Variants in ZPBP observed in about 807,000 individuals in gnomAD.
ZPBP encodes zona pellucida binding protein.
Under a neutral mutation model 44.8 loss-of-function variants are expected in ZPBP, and 26 were observed. The ratio of observed to expected loss-of-function variants is 0.58; its 90% CI spans 0.43 to 0.81. The LOEUF (loss-of-function observed/expected upper bound fraction) is 0.81, where lower values mean the gene tolerates loss of function less well. ZPBP is among the 30% of genes least tolerant of loss of function. The pLI is 0.00. For missense variants in ZPBP, 409 were observed against 434.0 expected (o/e 0.94, Z 0.51); for synonymous variants, 174 against 153.2 (o/e 1.14, Z -1.00).
chr7:49,885,149 T>C (rs143231100), intron 2 of ZPBP, among the ~76,000 whole-genome samples: 6 of 152,148 alleles, frequency 3.9e-5, no homozygotes, highest in African/African-American at 1.2e-4. Flanking sequence ...AACAGAAAAA[T>C]AGAATCCTTC....
chr7:49,952,906 A>G (rs1363993674), intron 7 of ZPBP, among the ~76,000 whole-genome samples: 2 of 152,082 alleles, frequency 1.3e-5, no homozygotes. Context: ...ACCAGATGGA[A>G]TAATAGGAAA....
At chr7:49,946,298 A>G (rs1240918704) in intron 7 of ZPBP, among the ~76,000 whole-genome samples, 1 of 152,020 alleles carries the variant, frequency 6.6e-6, no homozygotes, top group Non-Finnish European at 1.5e-5. Context: ...TATTTACTTC[A>G]GATGATTTCT....
chr7:49,899,232 A>G (rs1792573842), intron 2 of ZPBP, among the ~76,000 whole-genome samples: 1 of 152,082 alleles, frequency 6.6e-6, no homozygotes, highest in South Asian at 2.1e-4. Flanking sequence ...GGTGAGTAGC[A>G]TACACACCAA....
intron 1 of ZPBP, chr7:49,916,202 G>T (rs771299792): frequency 6.6e-6 from 1 of 151,778 alleles, no homozygotes; most frequent in Non-Finnish European, 1.5e-5. Context: ...ATTCTTTGAG[G>T]ATCGCAATCA....
intron 2 of ZPBP, among the ~76,000 whole-genome samples, chr7:50,082,143 T>C (rs1284089781): frequency 6.6e-6 from 1 of 151,898 alleles, no homozygotes; most frequent in Non-Finnish European, 1.5e-5. Context: ...AACCTTAGCA[T>C]AATGTGTTAG....
At chr7:49,992,229 A>G (rs1465242560) in intron 6 of ZPBP, among the ~76,000 whole-genome samples, 1 of 152,142 alleles carries the variant, frequency 6.6e-6, no homozygotes, top group Non-Finnish European at 1.5e-5. Flanking sequence ...TTATGAAGTA[A>G]ATGATGAAAT....
rs190619788 is a variant in ZPBP, at chr7:49,960,003, A to T, written c.962-22381T>A. Among the ~76,000 whole-genome samples, 45 of 152,338 alleles carry T rather than the reference A, an allele frequency of 3.0e-4. 1 individual carries two copies. Among genetic ancestry groups the T allele is most frequent in the Middle Eastern group, 6.8e-3 (2 of 294 alleles). On this transcript the variant is annotated intron_variant, in intron 7 of 7. Coordinates refer to ENST00000046087, the MANE Select transcript of ZPBP (RefSeq NM_007009.3). ...AAGAAAAGTATCTTCAATAAATGGT[A>T]CTGGATCATTAAGATATGATATCTT...
At chr7:49,862,032 G>C (rs1267597852) in intron 2 of ZPBP, among the ~76,000 whole-genome samples, 1 of 152,130 alleles carries the variant, frequency 6.6e-6, no homozygotes, top group South Asian at 2.1e-4. Flanking sequence ...TTGGAATTTT[G>C]AAAGGGATTG....
chr7:49,870,804 T>A (rs1472656471), intron 2 of ZPBP, among the ~76,000 whole-genome samples: 1 of 152,190 alleles, frequency 6.6e-6, no homozygotes, highest in Non-Finnish European at 1.5e-5. Flanking sequence ...AAAAAAGGAA[T>A]ATAGACTGTG....
intron 6 of ZPBP, among the ~76,000 whole-genome samples, chr7:50,007,831 A>G (rs1330006108): frequency 6.6e-6 from 1 of 152,002 alleles, no homozygotes; most frequent in Non-Finnish European, 1.5e-5. Flanking sequence ...CTTTCATAAT[A>G]AAACACTAAA....
chr7:49,963,132 G>A (rs7786032), intron 7 of ZPBP, among the ~76,000 whole-genome samples: 113,331 of 151,340 alleles, frequency 0.75, 42,662 homozygotes, highest in East Asian at 0.89. Context: ...GTTATTAAGT[G>A]CAAATTAATA....
intron 1 of ZPBP, chr7:49,918,571 T>G (rs1793845000): frequency 6.6e-6 from 1 of 152,216 alleles, no homozygotes; most frequent in Non-Finnish European, 1.5e-5. Context: ...TCAGGTATGA[T>G]TCTCATATTG....
At chr7:49,841,872 C>CT in the ZPBP span, among the ~76,000 whole-genome samples, 936 of 146,736 alleles carry the variant, frequency 6.4e-3, 9 homozygotes, top group African/African-American at 0.022. Context: ...AAATTCAACT[C>CT]TTTTTTTTTT....
At chr7:50,023,195 A>G (rs1799171227) in intron 5 of ZPBP, among the ~76,000 whole-genome samples, 1 of 152,058 alleles carries the variant, frequency 6.6e-6, no homozygotes, top group Non-Finnish European at 1.5e-5. Flanking sequence ...AACCCCCTCT[A>G]GCCCTCTCAG....
At chr7:50,034,615 A>T (rs932939165) in intron 4 of ZPBP, among the ~76,000 whole-genome samples, 1 of 152,078 alleles carries the variant, frequency 6.6e-6, no homozygotes, top group Non-Finnish European at 1.5e-5. Flanking sequence ...CCAACTAAAT[A>T]CCAGTGTGCC....
intron 2 of ZPBP, among the ~76,000 whole-genome samples, chr7:50,086,643 T>C (rs747574483): frequency 1.3e-5 from 2 of 151,902 alleles, no homozygotes; most frequent in African/African-American, 2.4e-5. Context: ...TAGGTCAACA[T>C]GGGATTACCC....
At chr7:50,077,061 A>G (rs1802130844) in intron 3 of ZPBP, among the ~76,000 whole-genome samples, 1 of 151,968 alleles carries the variant, frequency 6.6e-6, no homozygotes, top group South Asian at 2.1e-4. Flanking sequence ...ACATAGACCA[A>G]TGAAATAGAA....
At chr7:49,973,312 C>A (rs1484649218) in intron 7 of ZPBP, among the ~76,000 whole-genome samples, 1 of 150,674 alleles carries the variant, frequency 6.6e-6, no homozygotes, top group Non-Finnish European at 1.5e-5. Context: ...GATATGGTAA[C>A]AAAACCATAG....
chr7:50,036,790 G>C (rs1799850230), intron 4 of ZPBP, among the ~76,000 whole-genome samples: 1 of 151,956 alleles, frequency 6.6e-6, no homozygotes, highest in African/African-American at 2.4e-5. Context: ...AAATAAGTGA[G>C]CTAACTGTAC....
Sources: gnomAD v4.1 joint callset for allele counts (sites outside exome capture counted in the v4.1 genomes callset) on GRCh38, gnomAD v4.1.1 for gene constraint, MANE v1.5 for transcripts, NCBI Gene and HGNC (gene_info 2026-07-23, HGNC 2026-07-21) for gene names.